The following EYS variants were observed in gnomAD, a reference collection of about 807,000 sequenced individuals.
The protein encoded by EYS is EGF-like photoreceptor maintenance factor, also known as protein eyes shut homolog.
In EYS, 250 loss-of-function variants were observed where a neutral mutation model predicts 282.1. The observed-to-expected ratio is 0.89, with a 90% CI of 0.80 to 0.98. The LOEUF is 0.98. Among genes scored for constraint, EYS ranks in the 50% least tolerant of loss-of-function variants. EYS has a pLI of 0.00. For synonymous variants in EYS, 1,355 were observed against 1,282.9 expected (o/e 1.06, Z -1.20); for missense variants, 4,016 against 3,709.0 (o/e 1.08, Z -2.15).
chr6:64,513,210 TAA>T (rs1306275813), intron 26 of EYS, among the ~76,000 whole-genome samples: 3 of 151,896 alleles, frequency 2.0e-5, no homozygotes, highest in East Asian at 3.9e-4. Flanking sequence ...TAAAAATTCA[TAA>T]AAGAGTACAT....
intron 33 of EYS, among the ~76,000 whole-genome samples, chr6:64,000,879 G>A (rs1768066289): frequency 6.6e-6 from 1 of 152,116 alleles, no homozygotes; most frequent in Admixed American, 6.5e-5. Flanking sequence ...CAGGCGCGGT[G>A]GCTCAGGCCT....
intron 12 of EYS, among the ~76,000 whole-genome samples, chr6:65,192,167 T>C (rs1446787542): frequency 1.3e-5 from 2 of 151,732 alleles, no homozygotes; most frequent in African/African-American, 4.8e-5. Context: ...TTTTTACACA[T>C]AAAGAATTCT....
At chr6:64,107,285 T>TTATATATATATATATATATATA (rs55756711) in intron 31 of EYS, among the ~76,000 whole-genome samples, 60 of 101,496 alleles carry the variant, frequency 5.9e-4, no homozygotes, top group Non-Finnish European at 1.1e-3. Flanking sequence ...ATATATATAT[T>TTATATATATATATATATATATA]TATATATATA....
At chr6:64,062,820 C>G (rs919483823) in intron 33 of EYS, among the ~76,000 whole-genome samples, 9 of 151,956 alleles carry the variant, frequency 5.9e-5, no homozygotes, top group African/African-American at 9.7e-5. Flanking sequence ...TTTCATGTTA[C>G]ATTTTTTTCT....
At chr6:64,255,601 G>A (rs1022555261) in intron 30 of EYS, among the ~76,000 whole-genome samples, 1 of 151,896 alleles carries the variant, frequency 6.6e-6, no homozygotes, top group African/African-American at 2.4e-5. Context: ...TACTAGAGAG[G>A]TGTTATTGCT....
At position 64,950,832 on chromosome 6, in the gene EYS, T is replaced by TATATATATAA. The variant is rs1310289103; in HGVS notation, c.2260-4919_2260-4918insTTATATATAT. 4.9e-3 allele frequency among the ~76,000 whole-genome samples: 507 copies of TATATATATAA among 102,860 alleles called. 4 individuals carry two copies. Among genetic ancestry groups the TATATATATAA allele is most frequent in the East Asian group, 7.2e-3 (24 of 3,322 alleles). 67.5% of individuals were successfully genotyped at this position (102,860 alleles called of 152,430 possible). A position where few individuals can be genotyped will look rare whatever the true frequency, so the allele number is the denominator to read the frequency against. On this transcript the variant is annotated intron_variant, in intron 14 of 42. Coordinates refer to ENST00000503581, the MANE Select transcript of EYS (RefSeq NM_001142800.2). ...ATATATATATATATATATATATATATATTGTTGAATTGTTACAAGAACAAC... is the reference window on the plus strand; with the variant it reads ...ATATATATATATATATATATATATATATATATATAAATTGTTGAATTGTTACAAGAACAAC...
At chr6:64,513,398 T>C (rs768928086) in intron 26 of EYS, among the ~76,000 whole-genome samples, 3 of 151,928 alleles carry the variant, frequency 2.0e-5, no homozygotes, top group Non-Finnish European at 4.4e-5. Flanking sequence ...TATGAAAAAA[T>C]ATGAAATGAT....
intron 22 of EYS, among the ~76,000 whole-genome samples, chr6:64,810,104 AATC>A (rs35609985): frequency 0.45 from 68,204 of 151,638 alleles, 16,038 homozygotes; most frequent in Admixed American, 0.63. Flanking sequence ...AATCAGTATC[AATC>A]ATCTGCATAA....
chr6:65,338,413 C>T (rs1291186803), intron 10 of EYS, among the ~76,000 whole-genome samples: 1 of 150,980 alleles, frequency 6.6e-6, no homozygotes, highest in Non-Finnish European at 1.5e-5. Context: ...CAAAGATCTG[C>T]TTAAAGGAGT....
At chr6:63,993,321 GA>G (rs988940172) in intron 34 of EYS, among the ~76,000 whole-genome samples, 20 of 139,894 alleles carry the variant, frequency 1.4e-4, no homozygotes, top group Non-Finnish European at 1.7e-4. Flanking sequence ...TTAGGCAAAA[GA>G]AAAAAAAAAG....
chr6:64,115,619 C>A (rs934796992), intron 31 of EYS, among the ~76,000 whole-genome samples: 1 of 152,128 alleles, frequency 6.6e-6, no homozygotes. Context: ...GTCTTTACAA[C>A]GACACCCTCA....
At chr6:64,905,996 T>C (rs1767815401) in intron 16 of EYS, among the ~76,000 whole-genome samples, 1 of 151,648 alleles carries the variant, frequency 6.6e-6, no homozygotes, top group Non-Finnish European at 1.5e-5. Context: ...ATTATTTCTA[T>C]TTATTCTTAA....
intron 12 of EYS, among the ~76,000 whole-genome samples, chr6:65,216,149 T>C (rs1479834876): frequency 6.6e-6 from 1 of 152,120 alleles, no homozygotes; most frequent in Non-Finnish European, 1.5e-5. Context: ...TCACAGTTCT[T>C]AAATTAAGGA....
chr6:65,568,976 G>A (rs552147372), intron 2 of EYS, among the ~76,000 whole-genome samples: 1 of 152,260 alleles, frequency 6.6e-6, no homozygotes, highest in South Asian at 2.1e-4. Context: ...ACTTTGTGAG[G>A]AACTTAGTTT....
intron 5 of EYS, among the ~76,000 whole-genome samples, chr6:65,421,820 G>C (rs961490020): frequency 8.6e-5 from 13 of 151,854 alleles, no homozygotes; most frequent in African/African-American, 3.1e-4. Flanking sequence ...AGAACGGTCA[G>C]TTGGAAGCAA....
chr6:64,856,269 A>G (rs1766055300), intron 19 of EYS, among the ~76,000 whole-genome samples: 1 of 152,010 alleles, frequency 6.6e-6, no homozygotes, highest in South Asian at 2.1e-4. Flanking sequence ...TTTCGCCAGC[A>G]TTTGGTATCA....
chr6:65,698,043 T>C (rs62409461), intron 1 of EYS, among the ~76,000 whole-genome samples: 12,343 of 152,162 alleles, frequency 0.081, 647 homozygotes, highest in South Asian at 0.16. Flanking sequence ...GTAATATTTA[T>C]GTGTGTCAGG....
intron 28 of EYS, among the ~76,000 whole-genome samples, chr6:64,400,837 C>T (rs1773517596): frequency 1.3e-5 from 2 of 152,040 alleles, no homozygotes; most frequent in Non-Finnish European, 2.9e-5. Flanking sequence ...GGTGTTTGAA[C>T]TACCTTTAAT....
At chr6:65,400,040 G>C (rs985018818) in intron 7 of EYS, among the ~76,000 whole-genome samples, 7 of 151,910 alleles carry the variant, frequency 4.6e-5, no homozygotes, top group Non-Finnish European at 1.0e-4. Context: ...TCTTCCAAAT[G>C]GTTCAAGTAT....
Sources: allele counts gnomAD v4.1 joint callset (sites outside exome capture counted in the v4.1 genomes callset), GRCh38; gene constraint gnomAD v4.1.1; transcripts MANE v1.5; gene names NCBI Gene and HGNC (gene_info 2026-07-23, HGNC 2026-07-21).